Variants in ICOS observed in about 807,000 individuals in gnomAD.
ICOS encodes the protein inducible T cell costimulator.
A neutral mutation model predicts 24.6 loss-of-function variants in ICOS; 15 were observed. The ratio of observed to expected loss-of-function variants is 0.61; its 90% CI spans 0.41 to 0.94. The LOEUF is 0.94. Among genes scored for constraint, ICOS ranks in the 40% least tolerant of loss-of-function variants. ICOS has a pLI of 0.00. For synonymous variants in ICOS, 89 were observed against 77.5 expected (o/e 1.15, Z -0.78); for missense variants, 200 against 233.0 (o/e 0.86, Z 0.92).
Position 203,948,474 on chromosome 2 carries a change from G to A in ICOS, c.59-7162G>A, listed in dbSNP as rs139570605. Among the ~76,000 whole-genome samples the A allele has an allele frequency of 2.2e-4, 34 of 152,218 alleles. 1 individual carries two copies. The highest frequency in any genetic ancestry group is 6.8e-3 in the Middle Eastern group (2 of 294). Reference sequence around the variant, plus strand: ...ATCTCCTCAGATTTAAAATGTCACCGTCTATATATTCATTTGTTCGCCCAT... The same window carrying A: ...ATCTCCTCAGATTTAAAATGTCACCATCTATATATTCATTTGTTCGCCCAT... On this transcript the variant is annotated intron_variant, in intron 1 of 4. Transcript: ENST00000316386.
At chr2:203,942,087 C>A (rs1689787171) in intron 1 of ICOS, among the ~76,000 whole-genome samples, 1 of 152,158 alleles carries the variant, frequency 6.6e-6, no homozygotes. Flanking sequence ...TTATTTGAGT[C>A]ATGTTGACAC....
chr2:203,956,585 G>A (rs1416700771), intron 2 of ICOS, 74 bp from the exon 3 acceptor site: 20 of 992,470 alleles, frequency 2.0e-5, no homozygotes, highest in Non-Finnish European at 2.8e-5. Context: ...TGATTAAATA[G>A]CTCTTTTAAA....
At chr2:203,957,945 T>C in intron 4 of ICOS, 62 bp downstream of exon 4, 1 of 1,014,100 alleles carries the variant, frequency 9.9e-7, no homozygotes, top group Non-Finnish European at 1.5e-6. Context: ...CCTGGAATGT[T>C]AATTTTTTTT....
intron 1 of ICOS, among the ~76,000 whole-genome samples, chr2:203,945,104 A>G (rs1239828218): frequency 6.6e-6 from 1 of 152,198 alleles, no homozygotes; most frequent in East Asian, 1.9e-4. Context: ...ATAGAACACT[A>G]ATAGAGACTT....
intron 1 of ICOS, among the ~76,000 whole-genome samples, chr2:203,951,259 T>C (rs1689968553): frequency 6.6e-6 from 1 of 152,164 alleles, no homozygotes; most frequent in Admixed American, 6.5e-5. Flanking sequence ...CCCATTATGA[T>C]ATTGAGACAG....
chr2:203,945,167 G>A (rs1689846673), intron 1 of ICOS, among the ~76,000 whole-genome samples: 2 of 152,202 alleles, frequency 1.3e-5, no homozygotes. Flanking sequence ...GAGCAGCATG[G>A]AGGAGGGATG....
chr2:203,955,293 C>T (rs559694432), intron 1 of ICOS, among the ~76,000 whole-genome samples: 1 of 152,258 alleles, frequency 6.6e-6, no homozygotes, highest in South Asian at 2.1e-4. Flanking sequence ...TGCATTACTA[C>T]ATATTTATTC....
chr2:203,955,497 G>T (rs900363907), intron 1 of ICOS, 139 bp from the exon 2 acceptor site: 1 of 702,842 alleles, frequency 1.4e-6, no homozygotes, highest in African/African-American at 1.8e-5. Flanking sequence ...AGGGGTGGAG[G>T]GAGAATGTGA....
At chr2:203,950,919 G>A (rs1689959171) in intron 1 of ICOS, among the ~76,000 whole-genome samples, 2 of 135,846 alleles carry the variant, frequency 1.5e-5, no homozygotes, top group South Asian at 4.6e-4. Context: ...AATTAGCTGA[G>A]CATGGTGGCA....
intron 1 of ICOS, among the ~76,000 whole-genome samples, chr2:203,944,339 G>C (rs555954440): frequency 6.6e-6 from 1 of 152,218 alleles, no homozygotes; most frequent in South Asian, 2.1e-4. Flanking sequence ...CTCTACCCCT[G>C]TATTTTGCTC....
At position 203,961,491 on chromosome 2, in the gene ICOS, C is replaced by T. The variant is rs1005467629; in HGVS notation, c.*1892C>T. 6.5e-6 allele frequency: 1 copy of T among 152,974 alleles called. No homozygotes were observed. The highest frequency in any genetic ancestry group is 2.4e-5 in the African/African-American group (1 of 41,268). The allele number at this position is 152,974 out of a possible 1,614,324, so 9.5% of individuals were successfully genotyped here. ...TCACAAAATTTCTGTGAAATCAAAT[C>T]CAGTTTTAAGAGGAGCCACTTATCA... On this transcript the variant is annotated 3_prime_UTR_variant, in exon 5 of 5. Transcript: ENST00000316386.
At chr2:203,941,708 G>A (rs1479887707) in intron 1 of ICOS, among the ~76,000 whole-genome samples, 9 of 152,156 alleles carry the variant, frequency 5.9e-5, no homozygotes, top group Admixed American at 5.9e-4. Flanking sequence ...AACTAGGTCT[G>A]TCAAATGGCA....
Position 203,961,424 on chromosome 2 carries a change from A to G in ICOS, c.*1825A>G, listed in dbSNP as rs1052927667. The G allele has an allele frequency of 2.4e-5, 4 of 166,092 alleles. No homozygotes were observed. The highest frequency in any genetic ancestry group is 1.9e-4 in the Admixed American group (3 of 15,580). The allele number at this position is 166,092 out of a possible 1,614,324, so 10.3% of individuals were successfully genotyped here. ...GGTTGTCCAAGCTGTGCCTCGACAC[A>G]TCCTCATCCCCAGCATGGGACACCT... On this transcript the variant is annotated 3_prime_UTR_variant, in exon 5 of 5. Transcript: ENST00000316386.
At chr2:203,958,788 T>C (rs1408250566) in intron 4 of ICOS, among the ~76,000 whole-genome samples, 1 of 152,198 alleles carries the variant, frequency 6.6e-6, no homozygotes, top group East Asian at 1.9e-4. Context: ...TACCTAGCTT[T>C]GACACTTGCA....
At chr2:203,950,549 A>G (rs772545335) in intron 1 of ICOS, among the ~76,000 whole-genome samples, 11 of 152,210 alleles carry the variant, frequency 7.2e-5, no homozygotes, top group Middle Eastern at 3.2e-3. Context: ...TATAGCAAGC[A>G]TATCTGTTCT....
At chr2:203,940,630 A>G (rs1416926915) in intron 1 of ICOS, among the ~76,000 whole-genome samples, 1 of 150,884 alleles carries the variant, frequency 6.6e-6, no homozygotes, top group Admixed American at 6.6e-5. Flanking sequence ...TTGTGGGTGA[A>G]GAGTTTGATG....
chr2:203,950,801 C>T (rs1405125174), intron 1 of ICOS, among the ~76,000 whole-genome samples: 1 of 152,024 alleles, frequency 6.6e-6, no homozygotes, highest in African/African-American at 2.4e-5. Flanking sequence ...GTGGCTCACG[C>T]TTATAATCCC....
chr2:203,953,613 A>G (rs190648015), intron 1 of ICOS, among the ~76,000 whole-genome samples: 111 of 152,342 alleles, frequency 7.3e-4, no homozygotes, highest in African/African-American at 2.6e-3. Flanking sequence ...AGGTGTGACA[A>G]ATAGCCCCTC....
chr2:203,940,472 C>T (rs182235694), intron 1 of ICOS, among the ~76,000 whole-genome samples: 1 of 152,060 alleles, frequency 6.6e-6, no homozygotes. Context: ...TTAAATACCC[C>T]CAACTCTCTG....
Sources: allele counts gnomAD v4.1 joint callset (sites outside exome capture counted in the v4.1 genomes callset), GRCh38; gene constraint gnomAD v4.1.1; transcripts MANE v1.5; gene names NCBI Gene and HGNC (gene_info 2026-07-23, HGNC 2026-07-21).